The following PTAR1 variants were observed in gnomAD, a reference collection of about 807,000 sequenced individuals.
PTAR1 encodes the protein protein prenyltransferase alpha subunit repeat-containing protein 1.
Under a neutral mutation model 45.5 loss-of-function variants are expected in PTAR1, and 17 were observed. The observed-to-expected ratio is 0.37, with a 90% CI of 0.26 to 0.56. The LOEUF is 0.56. PTAR1 is among the 20% of genes least tolerant of loss of function. The pLI is 0.77. For missense variants in PTAR1, 391 were observed against 476.3 expected (o/e 0.82, Z 1.67); for synonymous variants, 169 against 171.3 (o/e 0.99, Z 0.11).
At chr9:69,737,490 C>A (rs1444935861) in intron 3 of PTAR1, among the ~76,000 whole-genome samples, 4 of 152,198 alleles carry the variant, frequency 2.6e-5, no homozygotes, top group African/African-American at 7.2e-5. Context: ...GTAGCTCAAA[C>A]AACTTAGATA....
At chr9:69,748,932 A>C (rs2134158892) in intron 2 of PTAR1, among the ~76,000 whole-genome samples, 1 of 152,238 alleles carries the variant, frequency 6.6e-6, no homozygotes, top group Admixed American at 6.5e-5. Context: ...ACCCCCCTCA[A>C]AATAGTCAAA....
Position 69,712,852 on chromosome 9 carries a change from T to C in PTAR1, c.*5490A>G, listed in dbSNP as rs1824577127. 3 of 152,100 alleles carry C rather than the reference T, an allele frequency of 2.0e-5. No homozygotes were observed. Among genetic ancestry groups the C allele is most frequent in the African/African-American group, 7.2e-5 (3 of 41,442 alleles). 9.4% of individuals were successfully genotyped at this position (152,100 alleles called of 1,614,324 possible). A position where few individuals can be genotyped will look rare whatever the true frequency, so the allele number is the denominator to read the frequency against. On this transcript the variant is annotated 3_prime_UTR_variant, in exon 8 of 8. Coordinates refer to ENST00000340434, the MANE Select transcript of PTAR1 (RefSeq NM_001099666.2). ...TCCACAGAAGACACGAGAATGTTCA[T>C]ACTAGAGCCATAGGGACCAAAGCAG...
At chr9:69,757,250 C>A (rs941559722) in intron 1 of PTAR1, 1 of 152,322 alleles carries the variant, frequency 6.6e-6, no homozygotes, top group Non-Finnish European at 1.5e-5. Flanking sequence ...AAGTTAAAGA[C>A]TATCCCTAGG....
intron 2 of PTAR1, among the ~76,000 whole-genome samples, chr9:69,745,929 T>A (rs980717390): frequency 1.1e-4 from 16 of 152,214 alleles, no homozygotes; most frequent in Admixed American, 6.5e-4. Context: ...CAAAAGATCC[T>A]CCTAAGCTGG....
At chr9:69,730,382 C>T (rs1825479847) in intron 5 of PTAR1, among the ~76,000 whole-genome samples, 1 of 151,624 alleles carries the variant, frequency 6.6e-6, no homozygotes, top group Non-Finnish European at 1.5e-5. Context: ...TATGGAAATG[C>T]CACTTGTAAA....
chr9:69,711,337 C>G lies in PTAR1; in HGVS notation c.*7005G>C, dbSNP rs1347938674. 6.6e-6 allele frequency: 1 copy of G among 152,290 alleles called. No homozygotes were observed. Among genetic ancestry groups the G allele is most frequent in the East Asian group, 1.9e-4 (1 of 5,186 alleles). 9.4% of individuals were successfully genotyped at this position (152,290 alleles called of 1,614,324 possible). A position where few individuals can be genotyped will look rare whatever the true frequency, so the allele number is the denominator to read the frequency against. Reference sequence around the variant, plus strand: ...ACTATACACTCTGTTCCTCACAGTTCAGGTAGGAATGTTTATTTGTGTTTT... The same window carrying G: ...ACTATACACTCTGTTCCTCACAGTTGAGGTAGGAATGTTTATTTGTGTTTT... On this transcript the variant is annotated 3_prime_UTR_variant, in exon 8 of 8. Coordinates refer to ENST00000340434, the MANE Select transcript of PTAR1 (RefSeq NM_001099666.2).
chr9:69,758,646 T>C (rs1347143590), intron 1 of PTAR1: 2 of 385,104 alleles, frequency 5.2e-6, no homozygotes, highest in South Asian at 3.8e-5. Flanking sequence ...ACGTCTCCAA[T>C]TGTGTGCCAC....
intron 2 of PTAR1, among the ~76,000 whole-genome samples, chr9:69,747,496 A>G (rs1035275527): frequency 9.2e-5 from 14 of 152,212 alleles, no homozygotes; most frequent in Admixed American, 5.9e-4. Flanking sequence ...GAACATATGT[A>G]TCAAATAGCT....
In PTAR1 at chr9:69,723,182, C is replaced by A. The variant is rs1825108953; in HGVS notation, c.947+144G>T. On this transcript the variant is annotated intron_variant, in intron 6 of 7. Transcript: ENST00000340434. ...ATGACGATGATATGGTAACACAAAACCTCTTGTATTCACTCAGGCAAAGCT... is the reference window on the plus strand; with the variant it reads ...ATGACGATGATATGGTAACACAAAAACTCTTGTATTCACTCAGGCAAAGCT... The A allele has an allele frequency of 7.4e-6, 5 of 679,848 alleles. 1 individual carries two copies. In the South Asian group the frequency reaches 9.1e-5, roughly 12 times the overall value. The allele number at this position is 679,848 out of a possible 1,614,324, so 42.1% of individuals were successfully genotyped here.
Position 69,750,844 on chromosome 9 carries a change from A to G in PTAR1, c.193T>C (p.Leu65=). 6.2e-7 allele frequency: 1 copy of G among 1,611,492 alleles called. No individual in the cohort carries two copies. The highest frequency in any genetic ancestry group is 1.1e-5 in the South Asian group (1 of 90,724). ...GVESWCVKFL[L]PYVHNKLLLY... The stretch of plus-strand genomic sequence containing the variant: ...AGGAGCTTGTTGTGGACATATGGTA[A>G]AAGGAACTTGACACACCAGCTCTCC... Residue 65 remains leucine (L), a synonymous_variant, in exon 2 of 8, where the codon TTA becomes CTA. Transcript: ENST00000340434.
At position 69,714,611 on chromosome 9, in the gene PTAR1, C is replaced by A. The variant is rs1033332512; in HGVS notation, c.*3731G>T. ...GATCTACTATGTATTTGCTTTCCTG[C>A]AAACTACTGCATAAAAATCCAAAAA... On this transcript the variant is annotated 3_prime_UTR_variant, in exon 8 of 8. Transcript: ENST00000340434. 2 of 152,092 alleles carry A rather than the reference C, an allele frequency of 1.3e-5. No individual in the cohort carries two copies. Among genetic ancestry groups the A allele is most frequent in the Non-Finnish European group, 2.9e-5 (2 of 67,992 alleles). 9.4% of individuals were successfully genotyped at this position (152,092 alleles called of 1,614,324 possible). A position where few individuals can be genotyped will look rare whatever the true frequency, so the allele number is the denominator to read the frequency against.
intron 3 of PTAR1, among the ~76,000 whole-genome samples, chr9:69,738,406 T>A (rs1261848214): frequency 6.6e-6 from 1 of 152,204 alleles, no homozygotes; most frequent in Non-Finnish European, 1.5e-5. Flanking sequence ...AATACAGAGT[T>A]ATGCTCTACC....
chr9:69,719,662 C>T lies in PTAR1; in HGVS notation c.948-978G>A, dbSNP rs536469514. 4.6e-5 allele frequency among the ~76,000 whole-genome samples: 7 copies of T among 152,240 alleles called. No individual in the cohort carries two copies. In the East Asian group the frequency reaches 1.4e-3, roughly 29 times the overall value. On this transcript the variant is annotated intron_variant, in intron 6 of 7. Transcript: ENST00000340434. ...TACCTAGTTTATATTATGCTTTGCT[C>T]TAATGTGCTTTGCAGATACTGTATT...
intron 2 of PTAR1, among the ~76,000 whole-genome samples, chr9:69,747,188 T>C (rs1826311133): frequency 6.6e-6 from 1 of 152,202 alleles, no homozygotes. Flanking sequence ...AAACTCACAT[T>C]CCAGCCAGGA....
intron 1 of PTAR1, among the ~76,000 whole-genome samples, chr9:69,751,682 G>C (rs1588485785): frequency 6.6e-6 from 1 of 151,816 alleles, no homozygotes; most frequent in Non-Finnish European, 1.5e-5. Flanking sequence ...AAATGCATGT[G>C]GACCAGAAAC....
At chr9:69,738,743 C>A (rs993640585) in intron 3 of PTAR1, among the ~76,000 whole-genome samples, 1 of 151,970 alleles carries the variant, frequency 6.6e-6, no homozygotes, top group Non-Finnish European at 1.5e-5. Context: ...GTATTAGAAA[C>A]CACAATGTGG....
intron 4 of PTAR1, among the ~76,000 whole-genome samples, chr9:69,733,424 C>G (rs1825640286): frequency 6.6e-6 from 1 of 152,106 alleles, no homozygotes; most frequent in Non-Finnish European, 1.5e-5. Context: ...GCTTAATAAA[C>G]TGAGAATTTC....
chr9:69,720,710 G>A (rs1397593106), intron 6 of PTAR1, among the ~76,000 whole-genome samples: 1 of 152,182 alleles, frequency 6.6e-6, no homozygotes, highest in Non-Finnish European at 1.5e-5. Context: ...GGCTAATATA[G>A]CTGGTGACTT....
chr9:69,738,964 C>G lies in PTAR1; in HGVS notation c.323+2828G>C, dbSNP rs565215894. Among the ~76,000 whole-genome samples the G allele has an allele frequency of 7.2e-5, 11 of 152,118 alleles. No homozygotes were observed. In the South Asian group the frequency reaches 2.3e-3, roughly 32 times the overall value. Reference sequence around the variant, plus strand: ...CTGGGACTACACATGTGCACTGACACGCACGGCTAATTTTTTGTATTTTAG... The same window carrying G: ...CTGGGACTACACATGTGCACTGACAGGCACGGCTAATTTTTTGTATTTTAG... On this transcript the variant is annotated intron_variant, in intron 3 of 7. Transcript: ENST00000340434.
Sources: allele counts gnomAD v4.1 joint callset (sites outside exome capture counted in the v4.1 genomes callset), GRCh38; gene constraint gnomAD v4.1.1; transcripts MANE v1.5; gene names NCBI Gene and HGNC (gene_info 2026-07-23, HGNC 2026-07-21).